EEA1: variants seen among roughly 807,000 people sequenced by gnomAD.
EEA1 encodes early endosome antigen 1, also known as early endosome antigen 1, 162kD.
In EEA1, 111 loss-of-function variants were observed where a neutral mutation model predicts 209.2. The ratio of observed to expected loss-of-function variants is 0.53; its 90% CI spans 0.45 to 0.62. The LOEUF (loss-of-function observed/expected upper bound fraction) is 0.62, where lower values mean the gene tolerates loss of function less well. Ranked by LOEUF, EEA1 falls within the 20% of genes least tolerant of loss-of-function variation. EEA1 has a pLI of 0.00. For synonymous variants in EEA1, 536 were observed against 540.6 expected (o/e 0.99, Z 0.12); for missense variants, 1,343 against 1,530.8 (o/e 0.88, Z 2.05).
chr12:92,792,713 C>T (rs1050776698), intron 21 of EEA1, among the ~76,000 whole-genome samples: 5 of 152,150 alleles, frequency 3.3e-5, no homozygotes, highest in Admixed American at 2.0e-4. Flanking sequence ...CAAAGAGGAG[C>T]TGGTACCATT....
chr12:92,777,716 C>A, intron 26 of EEA1, 53 bp from the exon 27 acceptor site: 3 of 1,544,662 alleles, frequency 1.9e-6, no homozygotes, highest in Non-Finnish European at 8.8e-7. Context: ...ATTTAAAGAC[C>A]CTTCTAGGGT....
At chr12:92,785,334 A>G (rs1375565599) in intron 22 of EEA1, among the ~76,000 whole-genome samples, 1 of 151,936 alleles carries the variant, frequency 6.6e-6, no homozygotes. Flanking sequence ...ACTGGTGTCT[A>G]GGTATATACA....
intron 10 of EEA1, among the ~76,000 whole-genome samples, chr12:92,833,064 C>T (rs1276577026): frequency 6.6e-6 from 1 of 151,890 alleles, no homozygotes; most frequent in East Asian, 1.9e-4. Context: ...ACTAATACAA[C>T]TTAAGAATTG....
intron 3 of EEA1, among the ~76,000 whole-genome samples, chr12:92,860,036 T>G (rs537787826): frequency 6.6e-6 from 1 of 152,334 alleles, no homozygotes; most frequent in Admixed American, 6.5e-5. Flanking sequence ...TGCCACCTCT[T>G]TAACAGCACC....
Position 92,800,846 on chromosome 12 carries a change from C to T in EEA1, c.2772+754G>A, listed in dbSNP as rs990760797. Among the ~76,000 whole-genome samples, 17 of 152,336 alleles carry T rather than the reference C, an allele frequency of 1.1e-4. 1 individual carries two copies. The highest frequency in any genetic ancestry group is 1.1e-3 in the Admixed American group (17 of 15,308). ...AAATTTGAACAATCTTGATTCAGAA[C>T]TTGGGCATGAAGCAATTATAATTTT... is the stretch of plus-strand genomic sequence containing the variant. On this transcript the variant is annotated intron_variant, in intron 20 of 28. Transcript: ENST00000322349.
At position 92,928,949 on chromosome 12, in the gene EEA1, AG is replaced by A. The variant is rs1171992341; in HGVS notation, c.24+93del. 2.2e-6 allele frequency: 3 copies of A among 1,360,142 alleles called. No homozygotes were observed. In the African/African-American group the frequency reaches 4.6e-5, roughly 21 times the overall value. 84.3% of individuals were successfully genotyped at this position (1,360,142 alleles called of 1,614,324 possible). On this transcript the variant is annotated intron_variant, in intron 1 of 28. Coordinates refer to ENST00000322349, the MANE Select transcript of EEA1 (RefSeq NM_003566.4). ...CCGGGCTGTGGGGCCTAGGGAAGGA[AG>A]GAGCCCGCGCTGAGGAGGGGCGCCC...
chr12:92,784,498 C>T (rs140501769), intron 22 of EEA1, among the ~76,000 whole-genome samples: 2 of 152,230 alleles, frequency 1.3e-5, no homozygotes, highest in Admixed American at 6.5e-5. Context: ...CTTGCTAGAG[C>T]CTGGAAAGCA....
intron 15 of EEA1, among the ~76,000 whole-genome samples, chr12:92,815,677 A>T (rs923556418): frequency 1.3e-5 from 2 of 152,210 alleles, no homozygotes; most frequent in African/African-American, 4.8e-5. Context: ...ACTGCTATAT[A>T]GAATTCTGAA....
Position 92,826,302 on chromosome 12 carries a change from T to C in EEA1, c.1405-17A>G. ...TTCCTTCAACTTAAAAAAATGTAGA[T>C]TGTCAATTGAGAACTTAAAGGCATA... On this transcript the variant is annotated splice_polypyrimidine_tract_variant and intron_variant, in intron 12 of 28. Coordinates refer to ENST00000322349, the MANE Select transcript of EEA1 (RefSeq NM_003566.4). 1.9e-6 allele frequency: 3 copies of C among 1,603,988 alleles called. No individual in the cohort carries two copies. The highest frequency in any genetic ancestry group is 1.1e-5 in the South Asian group (1 of 90,740).
chr12:92,850,427 C>T (rs1877563362), intron 9 of EEA1, among the ~76,000 whole-genome samples: 1 of 152,146 alleles, frequency 6.6e-6, no homozygotes, highest in Admixed American at 6.5e-5. Flanking sequence ...CAGTGGCTCA[C>T]GCCTGTAATC....
Position 92,788,053 on chromosome 12 carries a change from A to T in EEA1, c.2968-4T>A, listed in dbSNP as rs771006020. The T allele has an allele frequency of 7.0e-6, 11 of 1,581,786 alleles. No individual in the cohort carries two copies. In the African/African-American group the frequency reaches 1.5e-4, roughly 22 times the overall value. The stretch of plus-strand genomic sequence containing the variant: ...GTAGTTTATTCTCAAGCTCTGTCTG[A>T]AACATACAATAGTTATTTAAAACAG... On this transcript the variant is annotated splice_polypyrimidine_tract_variant and splice_region_variant and intron_variant, in intron 21 of 28. Coordinates refer to ENST00000322349, the MANE Select transcript of EEA1 (RefSeq NM_003566.4).
At chr12:92,826,727 A>G (rs1054782305) in intron 12 of EEA1, among the ~76,000 whole-genome samples, 2 of 86,668 alleles carry the variant, frequency 2.3e-5, no homozygotes, top group African/African-American at 7.6e-5. Flanking sequence ...AAAAAAAAAA[A>G]AAAAGAAAAG....
rs747687488 is a variant in EEA1 at position 92,819,347 on chromosome 12, A to T, written c.1689T>A (p.Leu563=). The T allele has an allele frequency of 3.1e-6, 5 of 1,612,372 alleles. No individual in the cohort carries two copies. Among genetic ancestry groups the T allele is most frequent in the Non-Finnish European group, 2.5e-6 (3 of 1,179,300 alleles). Residue 563 remains leucine (L), a synonymous_variant, in exon 14 of 29, where the codon CTT becomes CTA. Transcript: ENST00000322349. ...IQAGEGETAV[L]NQLQEKNHTL... ...TATGGTTTTTTTCTTGTAACTGGTTAAGAACAGCAGTCTCTCCTTCACCAG... is the reference window on the plus strand; with the variant it reads ...TATGGTTTTTTTCTTGTAACTGGTTTAGAACAGCAGTCTCTCCTTCACCAG...
At chr12:92,805,072 T>C (rs1219546437) in intron 18 of EEA1, among the ~76,000 whole-genome samples, 2 of 152,138 alleles carry the variant, frequency 1.3e-5, no homozygotes, top group East Asian at 3.9e-4. Context: ...ATTGGGCCCA[T>C]TGGAAACAGA....
intron 22 of EEA1, among the ~76,000 whole-genome samples, chr12:92,786,748 T>G (rs1874151454): frequency 6.6e-6 from 1 of 152,218 alleles, no homozygotes; most frequent in East Asian, 1.9e-4. Context: ...ACTACCAGGT[T>G]GTTTTCTAAA....
intron 19 of EEA1, 84 bp from the exon 20 acceptor site, chr12:92,801,785 C>T: frequency 5.7e-6 from 5 of 883,710 alleles, no homozygotes; most frequent in Non-Finnish European, 8.0e-6. Context: ...GTAAGATACA[C>T]ACGAAGAAAT....
At chr12:92,810,539 T>A (rs1242870680) in intron 17 of EEA1, among the ~76,000 whole-genome samples, 1 of 152,160 alleles carries the variant, frequency 6.6e-6, no homozygotes, top group Non-Finnish European at 1.5e-5. Flanking sequence ...GTACATATAT[T>A]CATTTCATGA....
rs763113312 is a variant in EEA1 at position 92,816,328 on chromosome 12, G to C, written c.1801C>G (p.Gln601Glu). Residue 601 changes from glutamine (Q) to glutamate (E), a missense_variant, in exon 15 of 29, where the codon CAG (glutamine) becomes GAG (glutamate). This residue lies in a region of EEA1 where 1,307 missense variants were observed against 1,465.5 expected (regional missense o/e 0.89). Transcript: ENST00000322349. ...AGATGTGCCTTCTGCTCTTGTACCTGGTCATGCAAATTCTCCTGGGCTTGT... is the reference window on the plus strand; with the variant it reads ...AGATGTGCCTTCTGCTCTTGTACCTCGTCATGCAAATTCTCCTGGGCTTGT... Reference protein sequence around the residue: ...HKQAQENLHDQVQEQKAHLRA... With the variant: ...HKQAQENLHDEVQEQKAHLRA... The C allele has an allele frequency of 1.9e-6, 3 of 1,613,918 alleles. No homozygotes were observed. Among genetic ancestry groups the C allele is most frequent in the Admixed American group, 1.7e-5 (1 of 60,020 alleles).
chr12:92,814,827 C>T (rs1875699819), intron 15 of EEA1, among the ~76,000 whole-genome samples: 1 of 152,056 alleles, frequency 6.6e-6, no homozygotes, highest in Non-Finnish European at 1.5e-5. Context: ...AAGTAGAGAT[C>T]AAAAGGTGTA....
Sources: gnomAD v4.1 joint callset for allele counts (sites outside exome capture counted in the v4.1 genomes callset) on GRCh38, gnomAD v4.1.1 for gene constraint, gnomAD v4.1.1 regional missense constraint, MANE v1.5 for transcripts, NCBI Gene and HGNC (gene_info 2026-07-23, HGNC 2026-07-21) for gene names.